The following COL11A1 variants were observed in gnomAD, a reference collection of about 807,000 sequenced individuals.
COL11A1 encodes collagen alpha-1(XI) chain.
Under a neutral mutation model 265.2 loss-of-function variants are expected in COL11A1, and 74 were observed. That is an observed-to-expected ratio of 0.28 (90% CI 0.23 to 0.34). The LOEUF (loss-of-function observed/expected upper bound fraction) is 0.34, where lower values mean the gene tolerates loss of function less well. COL11A1 is among the 10% of genes least tolerant of loss of function. The pLI is 1.00. For missense variants in COL11A1, 2,165 were observed against 2,263.6 expected (o/e 0.96, Z 0.88); for synonymous variants, 816 against 727.6 (o/e 1.12, Z -1.96).
chr1:102,899,007 G>C lies in COL11A1; in HGVS notation c.4087-13C>G. Reference sequence around the variant, plus strand: ...CTCCAGGAGGACCCTATAGACATAAGATTTATTGTAAAATATGTATCACAT... The same window carrying C: ...CTCCAGGAGGACCCTATAGACATAACATTTATTGTAAAATATGTATCACAT... On this transcript the variant is annotated splice_polypyrimidine_tract_variant and intron_variant, in intron 54 of 66. Coordinates refer to ENST00000370096, the MANE Select transcript of COL11A1 (RefSeq NM_001854.4). The C allele has an allele frequency of 6.7e-7, 1 of 1,485,974 alleles. No homozygotes were observed. Among genetic ancestry groups the C allele is most frequent in the African/African-American group, 1.4e-5 (1 of 71,096 alleles). The allele number at this position is 1,485,974 out of a possible 1,614,324, so 92.0% of individuals were successfully genotyped here.
chr1:103,037,843 A>C (rs1278459573), intron 4 of COL11A1, among the ~76,000 whole-genome samples: 1 of 152,104 alleles, frequency 6.6e-6, no homozygotes, highest in Non-Finnish European at 1.5e-5. Flanking sequence ...GTAACGATTG[A>C]CTATATACCT....
At chr1:102,989,788 A>T (rs569197400) in intron 28 of COL11A1, among the ~76,000 whole-genome samples, 1 of 152,218 alleles carries the variant, frequency 6.6e-6, no homozygotes, top group East Asian at 1.9e-4. Flanking sequence ...GCTATAAATT[A>T]CCCTAGGACA....
At chr1:102,938,658 A>C (rs1163038493) in intron 44 of COL11A1, among the ~76,000 whole-genome samples, 1 of 152,156 alleles carries the variant, frequency 6.6e-6, no homozygotes, top group Non-Finnish European at 1.5e-5. Flanking sequence ...TTTTAAAATA[A>C]GTATTTATAA....
At chr1:103,046,322 T>C (rs575909940) in intron 4 of COL11A1, among the ~76,000 whole-genome samples, 2 of 129,136 alleles carry the variant, frequency 1.5e-5, no homozygotes, top group Non-Finnish European at 1.6e-5. Context: ...TGGTATCTCA[T>C]TGTGGTTTTG....
rs1170052701 is a variant in COL11A1 at position 102,877,336 on chromosome 1, G to T, written c.*683C>A. ...CTGAAATTCAGCAAAATGACTGTCG[G>T]CAGAGAAGAGTTGATCAGAGTGTGC... On this transcript the variant is annotated 3_prime_UTR_variant, in exon 67 of 67. Transcript: ENST00000370096. 3 of 152,510 alleles carry T rather than the reference G, an allele frequency of 2.0e-5. No individual in the cohort carries two copies. The highest frequency in any genetic ancestry group is 1.3e-4 in the Admixed American group (2 of 15,240). The allele number at this position is 152,510 out of a possible 1,614,324, so 9.4% of individuals were successfully genotyped here. A position where few individuals can be genotyped will look rare whatever the true frequency, so the allele number is the denominator to read the frequency against.
At chr1:103,010,413 A>C (rs1220393547) in intron 14 of COL11A1, among the ~76,000 whole-genome samples, 2 of 152,168 alleles carry the variant, frequency 1.3e-5, no homozygotes, top group Non-Finnish European at 2.9e-5. Flanking sequence ...AGGAAGCTAA[A>C]ACTTTCATAT....
chr1:103,030,541 T>C (rs1667895160), intron 5 of COL11A1, among the ~76,000 whole-genome samples: 1 of 149,768 alleles, frequency 6.7e-6, no homozygotes. Flanking sequence ...CTCTAAGTCT[T>C]AAAAATTCAA....
chr1:102,914,931 A>T (rs1308453420), intron 50 of COL11A1, 120 bp from the exon 51 acceptor site: 16 of 792,404 alleles, frequency 2.0e-5, no homozygotes, highest in Non-Finnish European at 3.3e-5. Context: ...TTTTAGACGG[A>T]ATATCACTTT....
At chr1:102,937,341 T>C (rs1570791112) in intron 44 of COL11A1, among the ~76,000 whole-genome samples, 1 of 151,948 alleles carries the variant, frequency 6.6e-6, no homozygotes, top group East Asian at 1.9e-4. Context: ...ATGTGGCTTC[T>C]GTCGAGTGTA....
At chr1:102,880,197 A>C (rs1650053662) in intron 65 of COL11A1, among the ~76,000 whole-genome samples, 1 of 152,188 alleles carries the variant, frequency 6.6e-6, no homozygotes, top group South Asian at 2.1e-4. Context: ...ACACTATAAA[A>C]AATGCTTTAG....
In COL11A1 at chr1:103,021,749, A is replaced by G. The variant is rs773146290; in HGVS notation, c.1266T>C (p.Tyr422=). ...GTTCTCCTTTCTGTCCTTTCTCTCC[A>G]TATGCACCATGGCCATTTATCTGTT... ...TETSINGHGA[Y]GEKGQKGEPA... The change falls in exon 9 of 67, where the codon TAT becomes TAC. Residue 422 remains tyrosine (Y), a synonymous_variant. Transcript: ENST00000370096. 2 of 1,611,938 alleles carry G rather than the reference A, an allele frequency of 1.2e-6. No individual in the cohort carries two copies. The highest frequency in any genetic ancestry group is 2.2e-5 in the East Asian group (1 of 44,856).
intron 19 of COL11A1, 59 bp downstream of exon 19, chr1:103,004,549 A>T: frequency 6.3e-7 from 1 of 1,586,660 alleles, no homozygotes; most frequent in East Asian, 2.3e-5. Flanking sequence ...TTTCAACATG[A>T]TTTTGTTTTA....
At chr1:102,953,944 TG>T (rs1178865799) in intron 41 of COL11A1, among the ~76,000 whole-genome samples, 1 of 152,168 alleles carries the variant, frequency 6.6e-6, no homozygotes, top group Non-Finnish European at 1.5e-5. Flanking sequence ...TTTCTTAATA[TG>T]TGATTTAAAT....
intron 15 of COL11A1, among the ~76,000 whole-genome samples, 170 bp downstream of exon 15, chr1:103,008,293 A>G (rs1340034990): frequency 1.3e-5 from 2 of 152,188 alleles, no homozygotes; most frequent in Non-Finnish European, 2.9e-5. Flanking sequence ...AATCACCCAA[A>G]TATCGTAATC....
At chr1:102,894,804 C>A (rs774589794) in intron 57 of COL11A1, among the ~76,000 whole-genome samples, 3 of 152,044 alleles carry the variant, frequency 2.0e-5, no homozygotes, top group Non-Finnish European at 4.4e-5. Flanking sequence ...GAAACAGAGT[C>A]TCGCTCAGTC....
At chr1:102,998,601 G>A (rs1046592599) in intron 24 of COL11A1, among the ~76,000 whole-genome samples, 14 of 151,624 alleles carry the variant, frequency 9.2e-5, no homozygotes, top group African/African-American at 3.1e-4. Context: ...TCTTAGATAG[G>A]TCTTTTTTTA....
chr1:102,955,245 T>C (rs1422796022), intron 41 of COL11A1, among the ~76,000 whole-genome samples: 1 of 150,746 alleles, frequency 6.6e-6, no homozygotes, highest in Non-Finnish European at 1.5e-5. Flanking sequence ...TTCTCAGAAA[T>C]AGGATGAAGA....
At chr1:102,900,116 A>T (rs1405518447) in intron 54 of COL11A1, among the ~76,000 whole-genome samples, 2 of 152,170 alleles carry the variant, frequency 1.3e-5, no homozygotes, top group Non-Finnish European at 2.9e-5. Context: ...ATTTTATCTC[A>T]GAAAGAGTCA....
At position 103,078,721 on chromosome 1, in the gene COL11A1, T is replaced by C. The variant is rs1672171605; in HGVS notation, c.425A>G (p.His142Arg). ...GRSPVFLFED[H>R]TGKPAPEDYP... Reference sequence around the variant, plus strand: ...GTCTTCTGGGGCAGGTTTTCCAGTGTGGTCTTCAAACAGAAAAACAGGTGA... The same window carrying C: ...GTCTTCTGGGGCAGGTTTTCCAGTGCGGTCTTCAAACAGAAAAACAGGTGA... Residue 142 changes from histidine (H) to arginine (R), a missense_variant, in exon 3 of 67, where the codon CAC becomes CGC. Coordinates refer to ENST00000370096, the MANE Select transcript of COL11A1 (RefSeq NM_001854.4). 1 of 1,613,378 alleles carries C rather than the reference T, an allele frequency of 6.2e-7. No homozygotes were observed. The highest frequency in any genetic ancestry group is 1.7e-5 in the Admixed American group (1 of 59,860).
Sources: gnomAD v4.1 joint callset for allele counts (sites outside exome capture counted in the v4.1 genomes callset) on GRCh38, gnomAD v4.1.1 for gene constraint, MANE v1.5 for transcripts, NCBI Gene and HGNC (gene_info 2026-07-23, HGNC 2026-07-21) for gene names.